The following MX2 variants were observed in gnomAD, a reference collection of about 807,000 sequenced individuals.
MX2 encodes the protein MX dynamin like GTPase 2, also known as interferon-induced GTP-binding protein Mx2.
MX2 carries 51 observed loss-of-function variants against 74.0 expected under a neutral mutation model. The ratio of observed to expected loss-of-function variants is 0.69; its 90% confidence interval spans 0.55 to 0.87. The LOEUF (loss-of-function observed/expected upper bound fraction) is 0.87, where lower values mean the gene tolerates loss of function less well. Among genes scored for constraint, MX2 ranks in the 40% least tolerant of loss-of-function variants. The pLI, the probability that MX2 is intolerant of heterozygous loss-of-function variation, is 0.00. For missense variants in MX2, 832 were observed against 908.7 expected (o/e 0.92, Z 1.09); for synonymous variants, 369 against 339.3 (o/e 1.09, Z -0.96).
At chr21:41,379,758 A>C (rs1289150359) in intron 3 of MX2, among the ~76,000 whole-genome samples, 1 of 152,190 alleles carries the variant, frequency 6.6e-6, no homozygotes, top group African/African-American at 2.4e-5. Flanking sequence ...CTGTGGCTAT[A>C]GCCACTTGCT....
Position 41,377,840 on chromosome 21 carries a change from A to G in MX2, c.301A>G (p.Ile101Val). The G allele has an allele frequency of 1.2e-6, 2 of 1,614,210 alleles. No individual in the cohort carries two copies. The highest frequency in any genetic ancestry group is 1.7e-6 in the Non-Finnish European group (2 of 1,180,038). ...GTACGAGCAGAAGGTGCGCCCCTGC[A>G]TTGACCTCATCGACTCCCTGCGGGC... ...SQYEQKVRPC[I>V]DLIDSLRALG... The change falls in exon 3 of 14, where the codon ATT (isoleucine) becomes GTT (valine). Residue 101 changes from isoleucine to valine, a missense_variant. Coordinates refer to ENST00000330714, the MANE Select transcript of MX2 (RefSeq NM_002463.2).
intron 1 of MX2, among the ~76,000 whole-genome samples, chr21:41,372,213 C>T (rs1042799594): frequency 6.6e-6 from 1 of 152,160 alleles, no homozygotes; most frequent in Non-Finnish European, 1.5e-5. Context: ...TAGGACTCTA[C>T]CACTTCCTGG....
At position 41,388,648 on chromosome 21, in the gene MX2, G is replaced by A; in HGVS notation, c.733-1917G>A. Among the ~76,000 whole-genome samples the A allele has an allele frequency of 6.6e-6, 1 of 152,200 alleles. No individual in the cohort carries two copies. On this transcript the variant is annotated intron_variant, in intron 5 of 13. Coordinates refer to ENST00000330714, the MANE Select transcript of MX2 (RefSeq NM_002463.2). The surrounding 1 kb of genome is among the most constrained non-coding windows in gnomAD (Gnocchi z 4.0). ...AACCCCAGGATGGGCCCCACACCTG[G>A]TGGGCACTGCTAATGTTTGCTGCAT...
rs144254222 is a variant in MX2, at chr21:41,379,960, G to A, written c.443-57G>A. The A allele has an allele frequency of 6.1e-5, 97 of 1,601,102 alleles. No individual in the cohort carries two copies. In the East Asian group the frequency reaches 2.1e-3, roughly 35 times the overall value. On this transcript the variant is annotated intron_variant, in intron 3 of 13. Coordinates refer to ENST00000330714, the MANE Select transcript of MX2 (RefSeq NM_002463.2). ...GCAGGGCAGGTTCTGGGAGCGAAGG[G>A]CCCAGTGCCACTTCTTTAAAAGGAA...
chr21:41,365,135 A>C (rs183691289), intron 1 of MX2: 1 of 152,344 alleles, frequency 6.6e-6, no homozygotes, highest in Non-Finnish European at 1.5e-5. Flanking sequence ...ATGTAATTAA[A>C]GACGAGGTTG....
intron 1 of MX2, 129 bp downstream of exon 1, chr21:41,362,184 C>T (rs2145843802): frequency 6.6e-6 from 1 of 152,192 alleles, no homozygotes; most frequent in East Asian, 1.9e-4. Flanking sequence ...AGGCAGGAGC[C>T]ACAAAGATAA....
chr21:41,386,541 TCTC>T (rs1385493269), intron 5 of MX2, among the ~76,000 whole-genome samples: 1 of 152,092 alleles, frequency 6.6e-6, no homozygotes, highest in Non-Finnish European at 1.5e-5. Context: ...TCCCGAAACA[TCTC>T]CTTCTCCATC....
Position 41,363,765 on chromosome 21 carries a change from T to G in MX2, c.-72+1710T>G, listed in dbSNP as rs2089237903. On this transcript the variant is annotated intron_variant, in intron 1 of 13. Coordinates refer to ENST00000330714, the MANE Select transcript of MX2 (RefSeq NM_002463.2). The surrounding 1 kb of genome is among the most constrained non-coding windows in gnomAD (Gnocchi z 4.2). ...CCCGTGTGGGAGACGCAGCTTGCCT[T>G]AGACTTCAGCGGGAACCACCATGTC... The G allele has an allele frequency of 6.4e-6, 1 of 155,088 alleles. No homozygotes were observed. Among genetic ancestry groups the G allele is most frequent in the African/African-American group, 2.4e-5 (1 of 41,524 alleles). 9.6% of individuals were successfully genotyped at this position (155,088 alleles called of 1,614,324 possible).
chr21:41,390,229 C>CA (rs2089638640), intron 5 of MX2: 1 of 282,952 alleles, frequency 3.5e-6, no homozygotes, highest in Admixed American at 4.1e-5. Context: ...ATACAACATA[C>CA]GCACAAGTCA....
intron 10 of MX2, chr21:41,401,523 AC>A (rs932396666): frequency 1.3e-5 from 2 of 154,644 alleles, no homozygotes; most frequent in African/African-American, 4.8e-5. Context: ...AAAGGCACAT[AC>A]CACCATGCCT....
intron 3 of MX2, among the ~76,000 whole-genome samples, chr21:41,378,926 T>A (rs560871098): frequency 1.3e-5 from 2 of 152,264 alleles, no homozygotes; most frequent in African/African-American, 4.8e-5. Flanking sequence ...CCAACCAGAA[T>A]GCTGGGGTGG....
intron 6 of MX2, among the ~76,000 whole-genome samples, chr21:41,392,100 TA>T (rs1269011019): frequency 2.0e-5 from 3 of 152,212 alleles, no homozygotes; most frequent in Admixed American, 2.0e-4. Context: ...GTTCCTGGGT[TA>T]GTTTACTAAG....
At chr21:41,399,548 T>C in intron 10 of MX2, 2 of 488,386 alleles carry the variant, frequency 4.1e-6, no homozygotes, top group East Asian at 6.8e-5. Context: ...CCACTGCCTC[T>C]GATGTCCTCG....
At chr21:41,391,163 T>C (rs1475253245) in intron 6 of MX2, among the ~76,000 whole-genome samples, 1 of 152,128 alleles carries the variant, frequency 6.6e-6, no homozygotes, top group African/African-American at 2.4e-5. Flanking sequence ...GAATGGCTTA[T>C]TGAGGACTGA....
At chr21:41,399,543 G>T in intron 10 of MX2, 1 of 496,734 alleles carries the variant, frequency 2.0e-6, no homozygotes, top group South Asian at 2.9e-5. Flanking sequence ...CAATTCCACT[G>T]CCTCTGATGT....
chr21:41,404,800 T>C (rs774730928), intron 12 of MX2: 2 of 151,368 alleles, frequency 1.3e-5, no homozygotes, highest in Non-Finnish European at 2.9e-5. Context: ...AGAAAGGCAG[T>C]TAACTTTCCC....
At chr21:41,404,077 GCCTTGGTCC>G (rs2089853338) in intron 12 of MX2, 2 of 175,238 alleles carry the variant, frequency 1.1e-5, no homozygotes, top group Admixed American at 5.9e-5. Context: ...TCCTTCCCGG[GCCTTGGTCC>G]CCTTGGTCCC....
intron 6 of MX2, among the ~76,000 whole-genome samples, chr21:41,394,470 C>T (rs117003881): frequency 2.6e-5 from 4 of 152,178 alleles, no homozygotes; most frequent in African/African-American, 4.8e-5. Flanking sequence ...CATCACGCAC[C>T]GCTGCCCACG....
At chr21:41,382,315 T>C (rs947013008) in intron 4 of MX2, 95 bp from the exon 5 acceptor site, 23 of 1,444,396 alleles carry the variant, frequency 1.6e-5, no homozygotes, top group Non-Finnish European at 2.1e-5. Context: ...GAAGCTCTCA[T>C]ACCCTGGAAA....
Sources: allele counts gnomAD v4.1 joint callset (sites outside exome capture counted in the v4.1 genomes callset), GRCh38; gene constraint gnomAD v4.1.1; non-coding constraint Gnocchi (gnomAD v3.1); transcripts MANE v1.5; gene names NCBI Gene and HGNC (gene_info 2026-07-23, HGNC 2026-07-21).